Variants in DPP10 observed in about 807,000 individuals in gnomAD.
DPP10 encodes inactive dipeptidyl peptidase 10.
Under a neutral mutation model 120.9 loss-of-function variants are expected in DPP10, and 33 were observed. The observed-to-expected ratio is 0.27, with a 90% CI of 0.21 to 0.37. DPP10 has a LOEUF of 0.37. Among genes scored for constraint, DPP10 ranks in the 10% least tolerant of loss-of-function variants. The pLI, the probability that DPP10 is intolerant of heterozygous loss-of-function variation, is 1.00. For synonymous variants in DPP10, 337 were observed against 326.1 expected, an observed-to-expected ratio of 1.03 and a Z score of -0.36; for missense variants, 816 against 942.8, an observed-to-expected ratio of 0.87 and a Z score of 1.76.
intron 5 of DPP10, among the ~76,000 whole-genome samples, chr2:115,653,516 C>T (rs1349607158): frequency 1.3e-5 from 2 of 151,882 alleles, no homozygotes; most frequent in Non-Finnish European, 2.9e-5. Flanking sequence ...TTTAATGCTC[C>T]TAAAAGTTTT....
intron 3 of DPP10, among the ~76,000 whole-genome samples, chr2:115,436,490 G>A (rs2071506580): frequency 2.0e-5 from 3 of 151,582 alleles, no homozygotes; most frequent in Admixed American, 6.6e-5. Flanking sequence ...AAAATATTGA[G>A]GTAAGTGTTA....
At position 115,815,660 on chromosome 2, in the gene DPP10, T is replaced by C. The variant is rs1328130624; in HGVS notation, c.1896-15T>C. ...CTCACAAAGATATAACTATTGTTTTTCGTTTTCATTGCAGATTTTTGCTGA... is the reference window on the plus strand; with the variant it reads ...CTCACAAAGATATAACTATTGTTTTCCGTTTTCATTGCAGATTTTTGCTGA... On this transcript the variant is annotated splice_polypyrimidine_tract_variant and intron_variant, in intron 20 of 25. Coordinates refer to ENST00000410059, the MANE Select transcript of DPP10 (RefSeq NM_020868.6). 1.9e-6 allele frequency: 3 copies of C among 1,598,068 alleles called. No homozygotes were observed. The East Asian group carries it at 6.7e-5, about 36-fold the overall frequency.
intron 1 of DPP10, among the ~76,000 whole-genome samples, chr2:115,095,589 T>TTTTTG (rs1709668659): frequency 1.3e-5 from 2 of 149,382 alleles, no homozygotes; most frequent in African/African-American, 5.0e-5. Context: ...TTTTTTGTTT[T>TTTTTG]TTTTTTTTGA....
chr2:114,494,101 C>CAAAAAAAAAA (rs58552540), intron 1 of DPP10, among the ~76,000 whole-genome samples: 55 of 77,156 alleles, frequency 7.1e-4, no homozygotes, highest in African/African-American at 2.3e-3. Flanking sequence ...AGCAATAAGG[C>CAAAAAAAAAA]AAAAAAAAAA....
intron 1 of DPP10, among the ~76,000 whole-genome samples, chr2:114,691,674 C>T (rs1304204791): frequency 6.6e-6 from 1 of 151,980 alleles, no homozygotes; most frequent in African/African-American, 2.4e-5. Context: ...CTTCTTTGTA[C>T]CTCTGGTAGA....
chr2:115,572,550 C>G (rs992205306), intron 5 of DPP10, among the ~76,000 whole-genome samples: 5 of 152,120 alleles, frequency 3.3e-5, no homozygotes, highest in Non-Finnish European at 5.9e-5. Flanking sequence ...TTTTTTATAT[C>G]TGTTTCTACT....
chr2:115,124,230 T>C (rs572125747), intron 1 of DPP10, among the ~76,000 whole-genome samples: 17 of 152,282 alleles, frequency 1.1e-4, no homozygotes, highest in African/African-American at 3.8e-4. Flanking sequence ...GCATAAGCCA[T>C]CATGCTCAGC....
intron 3 of DPP10, among the ~76,000 whole-genome samples, chr2:115,373,332 G>A: frequency 6.6e-6 from 1 of 152,178 alleles, no homozygotes; most frequent in East Asian, 1.9e-4. Flanking sequence ...ATCATTCCTT[G>A]TACAGTGCCT....
At chr2:115,659,313 TAGTG>T (rs1463036191) in intron 5 of DPP10, among the ~76,000 whole-genome samples, 16 of 152,062 alleles carry the variant, frequency 1.1e-4, no homozygotes, top group Admixed American at 9.8e-4. Context: ...CTAAGACACA[TAGTG>T]AGCCTTTAGC....
chr2:114,565,581 C>T (rs1242235039), intron 1 of DPP10, among the ~76,000 whole-genome samples: 1 of 152,214 alleles, frequency 6.6e-6, no homozygotes, highest in Non-Finnish European at 1.5e-5. Context: ...AGCCATGCTT[C>T]CCTTGGAGGA....
chr2:115,060,485 G>A (rs1418379392), intron 1 of DPP10, among the ~76,000 whole-genome samples: 2 of 152,036 alleles, frequency 1.3e-5, no homozygotes, highest in East Asian at 1.9e-4. Context: ...CCCAGCACTC[G>A]GGAGGATGAG....
At chr2:115,349,092 A>G (rs1262523203) in intron 3 of DPP10, among the ~76,000 whole-genome samples, 8 of 152,122 alleles carry the variant, frequency 5.3e-5, no homozygotes, top group Non-Finnish European at 1.0e-4. Flanking sequence ...TGTATATGTA[A>G]TGGGATAGAA....
intron 1 of DPP10, among the ~76,000 whole-genome samples, chr2:114,922,461 C>T (rs1347590735): frequency 2.0e-5 from 3 of 152,098 alleles, no homozygotes; most frequent in African/African-American, 7.2e-5. Flanking sequence ...TACAGGCATG[C>T]GTAGCCATGC....
intron 1 of DPP10, among the ~76,000 whole-genome samples, chr2:114,668,577 C>T (rs1698105898): frequency 6.6e-6 from 1 of 152,122 alleles, no homozygotes; most frequent in South Asian, 2.1e-4. Flanking sequence ...AAATTAACAT[C>T]ACACACTATG....
intron 5 of DPP10, among the ~76,000 whole-genome samples, chr2:115,574,288 T>C (rs2081523483): frequency 1.3e-5 from 2 of 152,196 alleles, no homozygotes; most frequent in South Asian, 4.1e-4. Context: ...CCTACCAGTC[T>C]TGTTTCTTTA....
chr2:114,818,400 A>G (rs78405617), intron 1 of DPP10, among the ~76,000 whole-genome samples: 3,290 of 152,174 alleles, frequency 0.022, 127 homozygotes, highest in African/African-American at 0.076. Context: ...CTCCCAAATT[A>G]CTACTTGCTT....
chr2:114,789,969 C>T (rs1362702457), intron 1 of DPP10, among the ~76,000 whole-genome samples: 1 of 152,204 alleles, frequency 6.6e-6, no homozygotes, highest in Non-Finnish European at 1.5e-5. Context: ...ACATGGTGTG[C>T]AGACAACCAA....
intron 1 of DPP10, among the ~76,000 whole-genome samples, chr2:114,698,680 A>C (rs1290386332): frequency 1.3e-5 from 2 of 152,054 alleles, no homozygotes. Flanking sequence ...TTGGAAAGCA[A>C]GTGAAAGTTT....
intron 1 of DPP10, among the ~76,000 whole-genome samples, chr2:114,978,469 G>A (rs1057013000): frequency 1.3e-5 from 2 of 152,096 alleles, no homozygotes; most frequent in South Asian, 4.1e-4. Context: ...CAATCACAGG[G>A]AAAGTAGTAG....
Sources: allele counts gnomAD v4.1 joint callset (sites outside exome capture counted in the v4.1 genomes callset), GRCh38; gene constraint gnomAD v4.1.1; transcripts MANE v1.5; gene names NCBI Gene and HGNC (gene_info 2026-07-23, HGNC 2026-07-21).